POFUT3: variants seen among roughly 807,000 people sequenced by gnomAD.
The protein encoded by POFUT3 is protein O-fucosyltransferase 3.
At chr8:33,412,790 G>A in the POFUT3 span, among the ~76,000 whole-genome samples, 1 of 152,142 alleles carries the variant, frequency 6.6e-6, no homozygotes, top group African/African-American at 2.4e-5. Context: ...ATCATACCCA[G>A]CTAATTTTTG....
At chr8:33,355,668 T>C in the POFUT3 span, among the ~76,000 whole-genome samples, 3 of 152,090 alleles carry the variant, frequency 2.0e-5, no homozygotes, top group Non-Finnish European at 2.9e-5. Flanking sequence ...TTTATTTTTT[T>C]TTTGGTTTTA....
At chr8:33,403,678 T>C in the POFUT3 span, among the ~76,000 whole-genome samples, 2 of 152,230 alleles carry the variant, frequency 1.3e-5, no homozygotes, top group Non-Finnish European at 2.9e-5. Flanking sequence ...GCAATGACTA[T>C]ACCACCGCAT....
At chr8:33,384,819 T>C in the POFUT3 span, among the ~76,000 whole-genome samples, 48 of 151,522 alleles carry the variant, frequency 3.2e-4, no homozygotes, top group African/African-American at 1.1e-3. Context: ...AGAATCTGTC[T>C]AAAAAAAACA....
At chr8:33,468,273 G>A in the POFUT3 span, among the ~76,000 whole-genome samples, 1 of 149,572 alleles carries the variant, frequency 6.7e-6, no homozygotes, top group Non-Finnish European at 1.5e-5. Flanking sequence ...AGAAGAAGAA[G>A]AACCTGGTAG....
the POFUT3 span, among the ~76,000 whole-genome samples, chr8:33,335,709 C>A: frequency 3.3e-3 from 504 of 152,236 alleles, 2 homozygotes; most frequent in African/African-American, 0.012. Flanking sequence ...CCAATTCACA[C>A]ATATTTTGTA....
chr8:33,370,422 T>C, the POFUT3 span, among the ~76,000 whole-genome samples: 6 of 152,174 alleles, frequency 3.9e-5, no homozygotes, highest in Non-Finnish European at 8.8e-5. Context: ...AATGTTGCAT[T>C]GTACAAACTC....
the POFUT3 span, chr8:33,453,132 C>T: frequency 7.3e-7 from 1 of 1,360,680 alleles, no homozygotes; most frequent in Non-Finnish European, 1.0e-6. Context: ...GGGAGCTCCA[C>T]CATCACTTTT....
chr8:33,468,427 A>C, the POFUT3 span, among the ~76,000 whole-genome samples: 6 of 151,404 alleles, frequency 4.0e-5, no homozygotes, highest in East Asian at 2.0e-4. Flanking sequence ...GGTAATACCA[A>C]GGAGAGTTTT....
chr8:33,408,385 C>T, the POFUT3 span, among the ~76,000 whole-genome samples: 1 of 151,898 alleles, frequency 6.6e-6, no homozygotes, highest in Non-Finnish European at 1.5e-5. Context: ...GACAGGTAAC[C>T]AATCTGTCTC....
At chr8:33,388,600 G>A in the POFUT3 span, among the ~76,000 whole-genome samples, 1 of 152,030 alleles carries the variant, frequency 6.6e-6, no homozygotes, top group Non-Finnish European at 1.5e-5. Context: ...ACCTCCCAAA[G>A]TGCTCCAATT....
At chr8:33,332,932 T>C in the POFUT3 span, among the ~76,000 whole-genome samples, 8 of 152,176 alleles carry the variant, frequency 5.3e-5, no homozygotes, top group Non-Finnish European at 7.3e-5. Flanking sequence ...ATATCTGTTC[T>C]CCTTCATCTT....
chr8:33,418,577 A>T, the POFUT3 span, among the ~76,000 whole-genome samples: 2 of 152,116 alleles, frequency 1.3e-5, no homozygotes, highest in African/African-American at 2.4e-5. Context: ...TGCTGAGATT[A>T]CAGGCGTGAG....
At chr8:33,373,470 T>C in the POFUT3 span, among the ~76,000 whole-genome samples, 1 of 152,114 alleles carries the variant, frequency 6.6e-6, no homozygotes, top group Non-Finnish European at 1.5e-5. Context: ...CCTCCCAGCT[T>C]CAAAATGCTG....
the POFUT3 span, among the ~76,000 whole-genome samples, chr8:33,419,262 T>C: frequency 3.3e-5 from 5 of 152,184 alleles, no homozygotes; most frequent in East Asian, 7.7e-4. Context: ...GTAGAGGTGA[T>C]AGATACCTTA....
At chr8:33,436,519 T>C in the POFUT3 span, 10 of 1,167,920 alleles carry the variant, frequency 8.6e-6, no homozygotes, top group Middle Eastern at 2.0e-4. Context: ...GTTTACCCCA[T>C]AAAGCTTGTG....
At chr8:33,450,087 T>A in the POFUT3 span, among the ~76,000 whole-genome samples, 18 of 151,952 alleles carry the variant, frequency 1.2e-4, no homozygotes, top group Admixed American at 7.9e-4. Context: ...ATAGGCATGA[T>A]GCATGACCAC....
chr8:33,459,455 C>A, the POFUT3 span, among the ~76,000 whole-genome samples: 1 of 151,300 alleles, frequency 6.6e-6, no homozygotes, highest in Non-Finnish European at 1.5e-5. Flanking sequence ...GCCTGAGCAA[C>A]ATGGTGAAAC....
chr8:33,429,125 T>C, the POFUT3 span, among the ~76,000 whole-genome samples: 1 of 152,162 alleles, frequency 6.6e-6, no homozygotes, highest in Non-Finnish European at 1.5e-5. Context: ...AAGAAAATGG[T>C]TTTCTATTTT....
At chr8:33,389,648 T>C in the POFUT3 span, 10 of 1,614,242 alleles carry the variant, frequency 6.2e-6, no homozygotes, top group Non-Finnish European at 8.5e-6. Context: ...CAAGTGGGAA[T>C]GCCTGCTGAA....
Sources: allele counts gnomAD v4.1 joint callset (sites outside exome capture counted in the v4.1 genomes callset), GRCh38; gene constraint gnomAD v4.1.1; transcripts MANE v1.5; gene names NCBI Gene and HGNC (gene_info 2026-07-23, HGNC 2026-07-21).